COMMD10: variants seen among roughly 807,000 people sequenced by gnomAD.
The protein encoded by COMMD10 is COMM domain-containing protein 10.
A neutral mutation model predicts 28.9 loss-of-function variants in COMMD10; 33 were observed. The ratio of observed to expected loss-of-function variants is 1.14; its 90% CI spans 0.87 to 1.53. The LOEUF is 1.53. Ranked by LOEUF, COMMD10 falls within the 40% of genes most tolerant of loss-of-function variation. The pLI, the probability that COMMD10 is intolerant of heterozygous loss-of-function variation, is 0.00. For missense variants in COMMD10, 310 were observed against 233.4 expected (o/e 1.33, Z -2.14); for synonymous variants, 110 against 81.7 (o/e 1.35, Z -1.87).
At chr5:116,141,686 G>C (rs1370074229) in intron 5 of COMMD10, among the ~76,000 whole-genome samples, 1 of 151,780 alleles carries the variant, frequency 6.6e-6, no homozygotes, top group Admixed American at 6.6e-5. Flanking sequence ...TAGTAGCGGG[G>C]GGCTGGGAAG....
At chr5:116,158,866 C>T (rs1231331474) in intron 5 of COMMD10, among the ~76,000 whole-genome samples, 3 of 147,784 alleles carry the variant, frequency 2.0e-5, no homozygotes, top group Non-Finnish European at 3.0e-5. Context: ...TTTTTTTCCC[C>T]CCCTGAGGTC....
At chr5:116,276,795 G>A (rs576814326) in intron 5 of COMMD10, among the ~76,000 whole-genome samples, 1 of 151,720 alleles carries the variant, frequency 6.6e-6, no homozygotes, top group African/African-American at 2.4e-5. Flanking sequence ...AAAATTGATA[G>A]GATTTCCAGA....
intron 2 of COMMD10, among the ~76,000 whole-genome samples, chr5:116,090,348 G>C (rs111240777): frequency 0.021 from 3,189 of 152,264 alleles, 108 homozygotes; most frequent in African/African-American, 0.073. Context: ...GGGCAGTCCT[G>C]CACAAAGACT....
At chr5:116,106,585 G>A (rs949719150) in intron 4 of COMMD10, among the ~76,000 whole-genome samples, 1 of 152,136 alleles carries the variant, frequency 6.6e-6, no homozygotes, top group African/African-American at 2.4e-5. Flanking sequence ...ATAGTGGGGT[G>A]TTAAAGTCTC....
In COMMD10 at chr5:116,150,060, C is replaced by T. The variant is rs1484375925; in HGVS notation, c.510+15882C>T. Among the ~76,000 whole-genome samples the T allele has an allele frequency of 8.5e-5, 13 of 152,232 alleles. No homozygotes were observed. In the East Asian group the frequency reaches 2.5e-3, roughly 29 times the overall value. ...AAGGTGTAAGGAAGGGATCCATTTT[C>T]AGCTTTCTACATATGGCTAGCCAGT... On this transcript the variant is annotated intron_variant, in intron 5 of 6. Transcript: ENST00000274458.
At chr5:116,152,599 T>G (rs763988336) in intron 5 of COMMD10, among the ~76,000 whole-genome samples, 21 of 152,210 alleles carry the variant, frequency 1.4e-4, no homozygotes, top group Non-Finnish European at 2.5e-4. Flanking sequence ...AAAGAGGAAG[T>G]GAATGGTGTT....
At chr5:116,217,325 C>G (rs1749132728) in intron 5 of COMMD10, among the ~76,000 whole-genome samples, 1 of 152,084 alleles carries the variant, frequency 6.6e-6, no homozygotes, top group Non-Finnish European at 1.5e-5. Flanking sequence ...ACTTAACTAC[C>G]TTCTTCAATG....
intron 5 of COMMD10, among the ~76,000 whole-genome samples, chr5:116,288,647 C>A (rs1044212062): frequency 2.0e-5 from 3 of 151,534 alleles, no homozygotes; most frequent in African/African-American, 7.3e-5. Context: ...CTTTTTTCTC[C>A]TCTGCTCAGT....
chr5:116,212,015 A>G (rs1337557136), intron 5 of COMMD10, among the ~76,000 whole-genome samples: 2 of 152,118 alleles, frequency 1.3e-5, no homozygotes, highest in Non-Finnish European at 2.9e-5. Context: ...ATTAAATGAG[A>G]ATATATGTAA....
At chr5:116,166,723 C>T (rs1189954583) in intron 5 of COMMD10, among the ~76,000 whole-genome samples, 2 of 152,156 alleles carry the variant, frequency 1.3e-5, no homozygotes, top group Non-Finnish European at 2.9e-5. Context: ...GGACCTCCAG[C>T]AAACTCCAGC....
intron 5 of COMMD10, among the ~76,000 whole-genome samples, chr5:116,206,378 C>T (rs1017991739): frequency 1.8e-4 from 28 of 152,038 alleles, no homozygotes; most frequent in African/African-American, 3.1e-4. Context: ...TGGTCGGGCA[C>T]GGTGGCTCAT....
chr5:116,162,393 T>A (rs565325414), intron 5 of COMMD10, among the ~76,000 whole-genome samples: 1 of 152,298 alleles, frequency 6.6e-6, no homozygotes, highest in South Asian at 2.1e-4. Flanking sequence ...TATAAACAGA[T>A]GAGTACAATA....
intron 5 of COMMD10, among the ~76,000 whole-genome samples, chr5:116,157,440 A>T (rs190527321): frequency 1.3e-5 from 2 of 152,238 alleles, no homozygotes; most frequent in East Asian, 3.9e-4. Flanking sequence ...CTAGTTTGGG[A>T]TGATTTTAAT....
At position 116,092,594 on chromosome 5, in the gene COMMD10, A is replaced by T; in HGVS notation, c.293A>T (p.Asn98Ile). ...GCAGCTTTGCAGCAGCAATTAGAGA[A>T]CATTCATCTTAGACAAGACAAAGCT... ...KPAALQQQLENIHLRQDKAEA... is the reference protein window; with the variant it reads ...KPAALQQQLEIIHLRQDKAEA... Residue 98 changes from asparagine (N) to isoleucine (I), a missense_variant, in exon 4 of 7, where the codon AAC becomes ATC. By Grantham distance (149) the Asn-to-Ile change is moderately radical (BLOSUM62 -3). Transcript: ENST00000274458. 3 of 1,611,450 alleles carry T rather than the reference A, an allele frequency of 1.9e-6. No homozygotes were observed. Among genetic ancestry groups the T allele is most frequent in the Non-Finnish European group, 2.5e-6 (3 of 1,178,762 alleles).
chr5:116,198,859 C>T (rs1465009960), intron 5 of COMMD10, among the ~76,000 whole-genome samples: 2 of 152,118 alleles, frequency 1.3e-5, no homozygotes, highest in African/African-American at 4.8e-5. Flanking sequence ...CATTTACCTA[C>T]TGAAAGACAT....
intron 4 of COMMD10, among the ~76,000 whole-genome samples, chr5:116,124,934 T>A (rs967160939): frequency 1.3e-5 from 2 of 152,164 alleles, no homozygotes; most frequent in African/African-American, 4.8e-5. Context: ...TCTTCCTCTA[T>A]CCCTTTATTT....
intron 5 of COMMD10, among the ~76,000 whole-genome samples, chr5:116,241,842 C>T (rs984719988): frequency 9.2e-5 from 14 of 152,142 alleles, no homozygotes; most frequent in African/African-American, 3.4e-4. Flanking sequence ...TGGTCTCTAT[C>T]TCCTGACCTC....
chr5:116,094,086 A>T (rs549118103), intron 4 of COMMD10, among the ~76,000 whole-genome samples: 1 of 152,302 alleles, frequency 6.6e-6, no homozygotes, highest in East Asian at 1.9e-4. Context: ...AAAACAGGAG[A>T]AATACTCCAG....
chr5:116,271,459 T>A (rs752392450), intron 5 of COMMD10, among the ~76,000 whole-genome samples: 4 of 151,518 alleles, frequency 2.6e-5, no homozygotes, highest in Admixed American at 6.6e-5. Context: ...TGTATACTTT[T>A]GTTTCCTATC....
Sources: gnomAD v4.1 joint callset for allele counts (sites outside exome capture counted in the v4.1 genomes callset) on GRCh38, gnomAD v4.1.1 for gene constraint, MANE v1.5 for transcripts, NCBI Gene and HGNC (gene_info 2026-07-23, HGNC 2026-07-21) for gene names.